The following BRD1 variants were observed in gnomAD, a reference collection of about 807,000 sequenced individuals.
The protein encoded by BRD1 is bromodomain containing 1.
A neutral mutation model predicts 107.7 loss-of-function variants in BRD1; 24 were observed. The observed-to-expected ratio is 0.22, with a 90% CI of 0.16 to 0.31. The LOEUF is 0.31. Among genes scored for constraint, BRD1 ranks in the 10% least tolerant of loss-of-function variants. The pLI, the probability that BRD1 is intolerant of heterozygous loss-of-function variation, is 1.00. For missense variants in BRD1, 1,279 were observed against 1,638.6 expected (o/e 0.78, Z 3.79); for synonymous variants, 744 against 686.1 (o/e 1.08, Z -1.32).
chr22:49,798,754 C>A, intron 4 of BRD1, 68 bp from the exon 5 acceptor site: 1 of 1,481,074 alleles, frequency 6.8e-7, no homozygotes, highest in Non-Finnish European at 8.9e-7. Flanking sequence ...CCACGCGCCC[C>A]ACAGCCACAA....
intron 7 of BRD1, among the ~76,000 whole-genome samples, chr22:49,791,052 G>A (rs1419404906): frequency 1.3e-5 from 2 of 152,244 alleles, no homozygotes; most frequent in Non-Finnish European, 2.9e-5. Flanking sequence ...CACCATGTCA[G>A]CAGACACCAA....
In BRD1 at chr22:49,823,841, G is replaced by A. The variant is rs1340084209; in HGVS notation, c.477C>T (p.Asp159=). 7.4e-6 allele frequency: 12 copies of A among 1,614,136 alleles called. No homozygotes were observed. The highest frequency in any genetic ancestry group is 2.2e-5 in the South Asian group (2 of 91,082). Residue 159 remains aspartate (D), a synonymous_variant, in exon 2 of 13, where the codon GAC becomes GAT. Transcript: ENST00000404760. The part of the protein sequence containing the change: ...ELDNEVEYDM[D]EEDYAWLEIV... ...TCTCCAGCCAGGCATAGTCCTCCTCGTCCATGTCATACTCCACCTCGTTGT... is the reference window on the plus strand; with the variant it reads ...TCTCCAGCCAGGCATAGTCCTCCTCATCCATGTCATACTCCACCTCGTTGT...
Position 49,824,894 on chromosome 22 carries a change from G to A in BRD1, c.-14-563C>T. 1 of 884,144 alleles carries A rather than the reference G, an allele frequency of 1.1e-6. No homozygotes were observed. The highest frequency in any genetic ancestry group is 1.4e-6 in the Non-Finnish European group (1 of 732,296). 54.8% of individuals were successfully genotyped at this position (884,144 alleles called of 1,614,324 possible). On this transcript the variant is annotated intron_variant, in intron 1 of 12. Coordinates refer to ENST00000404760, the MANE Select transcript of BRD1 (RefSeq NM_001304808.3). This position sits in a 1 kb window ranked among gnomAD's most constrained non-coding sequence, Gnocchi z 5.9. ...TCACCACAGTCCTTGCAGCATTCCT[G>A]CTGGGGCCAGGGGTAGGAGACAGAT...
In BRD1 at chr22:49,827,715, C is replaced by T. The variant is rs1299729705; in HGVS notation, c.-233G>A. 6.9e-6 allele frequency among the ~76,000 whole-genome samples: 1 copy of T among 144,448 alleles called. No homozygotes were observed. Among genetic ancestry groups the T allele is most frequent in the African/African-American group, 2.5e-5 (1 of 40,260 alleles). The allele number at this position is 144,448 out of a possible 152,430, so 94.8% of individuals were successfully genotyped here. On this transcript the variant is annotated 5_prime_UTR_variant, in exon 1 of 13. Coordinates refer to ENST00000404760, the MANE Select transcript of BRD1 (RefSeq NM_001304808.3). The stretch of plus-strand genomic sequence containing the variant: ...GGCAGCGGCTCGCGCGGCGCGGGCT[C>T]GGGCTCGGGGCCCAGCTGGAGGCCC...
At chr22:49,779,611 C>T (rs974731549) in intron 8 of BRD1, among the ~76,000 whole-genome samples, 1 of 152,200 alleles carries the variant, frequency 6.6e-6, no homozygotes, top group Non-Finnish European at 1.5e-5. Context: ...TAAAAACCTA[C>T]AGGAGAAGGC....
chr22:49,815,446 G>A (rs2059931315), intron 2 of BRD1, among the ~76,000 whole-genome samples: 1 of 152,206 alleles, frequency 6.6e-6, no homozygotes, highest in Admixed American at 6.5e-5. Flanking sequence ...GGGAGGCTGA[G>A]GCAGGAGAAT....
At chr22:49,805,196 G>A (rs1021759865) in intron 2 of BRD1, among the ~76,000 whole-genome samples, 1 of 152,226 alleles carries the variant, frequency 6.6e-6, no homozygotes, top group African/African-American at 2.4e-5. Flanking sequence ...AATGCAAAGT[G>A]CTGCCCTTGG....
At chr22:49,789,266 G>A (rs769811191) in intron 7 of BRD1, among the ~76,000 whole-genome samples, 1 of 152,218 alleles carries the variant, frequency 6.6e-6, no homozygotes, top group Non-Finnish European at 1.5e-5. Context: ...TCGCCAACAG[G>A]CTTAAGGAAA....
In BRD1 at chr22:49,804,193, G is replaced by A. The variant is rs760412365; in HGVS notation, c.1524+11C>T. ...GACGCAGAAAGGCTGTGGGGGCCAC[G>A]AGCCACGTACCTGCTGTGAGCTTCG... On this transcript the variant is annotated intron_variant, in intron 3 of 12. Coordinates refer to ENST00000404760, the MANE Select transcript of BRD1 (RefSeq NM_001304808.3). 48 of 1,561,982 alleles carry A rather than the reference G, an allele frequency of 3.1e-5. No homozygotes were observed. In the Admixed American group the frequency reaches 3.2e-4, roughly 11 times the overall value.
At chr22:49,821,895 C>A (rs1601748214) in intron 2 of BRD1, among the ~76,000 whole-genome samples, 1 of 152,318 alleles carries the variant, frequency 6.6e-6, no homozygotes, top group African/African-American at 2.4e-5. Flanking sequence ...GCCCTGTTGA[C>A]CGGCAGGCCC....
intron 2 of BRD1, among the ~76,000 whole-genome samples, chr22:49,814,285 C>T (rs1769776051): frequency 6.6e-6 from 1 of 152,236 alleles, no homozygotes; most frequent in Non-Finnish European, 1.5e-5. Context: ...CAGGAGCCCC[C>T]GGTGCAGGCC....
intron 2 of BRD1, among the ~76,000 whole-genome samples, chr22:49,809,404 G>C (rs1395254258): frequency 6.6e-6 from 1 of 152,022 alleles, no homozygotes; most frequent in African/African-American, 2.4e-5. Flanking sequence ...GCCAGGCGTG[G>C]TGACAGGTGC....
intron 7 of BRD1, 37 bp downstream of exon 7, chr22:49,793,997 A>G (rs1176964665): frequency 1.3e-6 from 2 of 1,587,628 alleles, no homozygotes; most frequent in East Asian, 2.2e-5. Context: ...CTGAGCCGTG[A>G]CGGCAAGAAA....
At chr22:49,777,543 A>C (rs1475633476) in intron 9 of BRD1, 135 bp downstream of exon 9, 18 of 1,214,142 alleles carry the variant, frequency 1.5e-5, no homozygotes, top group Non-Finnish European at 2.1e-5. Context: ...AGGGCAGAGC[A>C]CACATGAATC....
chr22:49,818,411 G>GC, intron 2 of BRD1: 1 of 1,105,938 alleles, frequency 9.0e-7, no homozygotes, highest in Non-Finnish European at 1.1e-6. Flanking sequence ...CAGATTATGC[G>GC]TGTATTTATC....
At chr22:49,775,832 C>CG (rs1569079773) in intron 11 of BRD1, 87 bp from the exon 12 acceptor site, 4 of 989,962 alleles carry the variant, frequency 4.0e-6, no homozygotes, top group African/African-American at 6.5e-5. Context: ...CCCGCCTCCC[C>CG]ACCCCAGCTG....
chr22:49,786,251 T>A (rs75401459), intron 8 of BRD1, among the ~76,000 whole-genome samples: 1 of 150,370 alleles, frequency 6.7e-6, no homozygotes, highest in Non-Finnish European at 1.5e-5. Context: ...CAGAAAAGAG[T>A]CGCTGGCAAC....
At chr22:49,795,564 G>A (rs77497767) in intron 6 of BRD1, among the ~76,000 whole-genome samples, 8 of 152,214 alleles carry the variant, frequency 5.3e-5, no homozygotes, top group African/African-American at 1.9e-4. Flanking sequence ...AGCATGATGT[G>A]GGGGAGCACA....
intron 2 of BRD1, among the ~76,000 whole-genome samples, chr22:49,822,750 T>C (rs566997181): frequency 1.1e-4 from 16 of 151,514 alleles, no homozygotes; most frequent in Non-Finnish European, 4.4e-5. Flanking sequence ...ATTCCAAGCC[T>C]ACAGACTAAA....
Sources: allele counts gnomAD v4.1 joint callset (sites outside exome capture counted in the v4.1 genomes callset), GRCh38; gene constraint gnomAD v4.1.1; non-coding constraint Gnocchi (gnomAD v3.1); transcripts MANE v1.5; gene names NCBI Gene and HGNC (gene_info 2026-07-23, HGNC 2026-07-21).